DNAJC1: variants seen among roughly 807,000 people sequenced by gnomAD.
DNAJC1 encodes the protein DnaJ heat shock protein family (Hsp40) member C1, also known as dnaJ homolog subfamily C member 1.
A neutral mutation model predicts 76.6 loss-of-function variants in DNAJC1; 58 were observed. The observed-to-expected ratio is 0.76, with a 90% CI of 0.61 to 0.94. The LOEUF is 0.94. Ranked by LOEUF, DNAJC1 falls within the 40% of genes least tolerant of loss-of-function variation. DNAJC1 has a pLI of 0.00. For missense variants in DNAJC1, 689 were observed against 677.3 expected, an observed-to-expected ratio of 1.02 and a Z score of -0.19; for synonymous variants, 258 against 267.9, an observed-to-expected ratio of 0.96 and a Z score of 0.36.
At chr10:21,987,828 G>C (rs747306133) in intron 1 of DNAJC1, among the ~76,000 whole-genome samples, 2 of 152,002 alleles carry the variant, frequency 1.3e-5, no homozygotes, top group African/African-American at 4.8e-5. Flanking sequence ...TGAAATATTT[G>C]CCCCTAAATA....
intron 8 of DNAJC1, among the ~76,000 whole-genome samples, chr10:21,841,345 C>G (rs977620290): frequency 6.6e-6 from 1 of 152,118 alleles, no homozygotes; most frequent in African/African-American, 2.4e-5. Flanking sequence ...TTTTTGCAAC[C>G]TACTCATCTG....
At chr10:21,840,825 A>C (rs1835563003) in intron 8 of DNAJC1, among the ~76,000 whole-genome samples, 2 of 152,206 alleles carry the variant, frequency 1.3e-5, no homozygotes, top group South Asian at 4.1e-4. Context: ...ACAAAGCTGG[A>C]GGCATCACAC....
chr10:21,995,028 A>G (rs543796936), intron 1 of DNAJC1, among the ~76,000 whole-genome samples: 1 of 151,444 alleles, frequency 6.6e-6, no homozygotes, highest in Admixed American at 6.6e-5. Context: ...TCAGAAAAGA[A>G]CCTAAATAGT....
chr10:21,778,702 A>G (rs1345798814), intron 9 of DNAJC1, among the ~76,000 whole-genome samples: 3 of 152,182 alleles, frequency 2.0e-5, no homozygotes, highest in Non-Finnish European at 2.9e-5. Flanking sequence ...TGCATTTCCA[A>G]TTGAGATACC....
At chr10:21,964,869 T>G (rs1466280256) in intron 1 of DNAJC1, among the ~76,000 whole-genome samples, 1 of 152,202 alleles carries the variant, frequency 6.6e-6, no homozygotes, top group Non-Finnish European at 1.5e-5. Flanking sequence ...TTTTCTTCAC[T>G]GCTGCTATGG....
chr10:21,954,778 C>T (rs1837652799), intron 1 of DNAJC1, among the ~76,000 whole-genome samples: 1 of 152,072 alleles, frequency 6.6e-6, no homozygotes, highest in Non-Finnish European at 1.5e-5. Flanking sequence ...ATTAAACAGC[C>T]TCTCAACAAC....
chr10:21,941,133 G>A (rs1837403401), intron 1 of DNAJC1, among the ~76,000 whole-genome samples: 1 of 150,400 alleles, frequency 6.6e-6, no homozygotes, highest in South Asian at 2.1e-4. Context: ...GCCAGGCGTG[G>A]TGGCAGGTGC....
At chr10:21,879,928 T>C (rs1215243083) in intron 8 of DNAJC1, among the ~76,000 whole-genome samples, 1 of 152,212 alleles carries the variant, frequency 6.6e-6, no homozygotes. Flanking sequence ...AGTCTTCCTT[T>C]CACAAAATAT....
intron 8 of DNAJC1, among the ~76,000 whole-genome samples, chr10:21,834,163 C>G (rs891584824): frequency 1.3e-4 from 20 of 152,098 alleles, no homozygotes; most frequent in Non-Finnish European, 2.4e-4. Context: ...ACTCGGGAGG[C>G]TGAGGCAGGA....
At chr10:21,933,750 T>C (rs150682965) in intron 1 of DNAJC1, among the ~76,000 whole-genome samples, 13 of 152,290 alleles carry the variant, frequency 8.5e-5, no homozygotes, top group Admixed American at 3.3e-4. Context: ...CCCATAAGAA[T>C]ACAATACAAT....
chr10:21,879,966 T>C (rs576571291), intron 8 of DNAJC1, among the ~76,000 whole-genome samples: 2 of 152,352 alleles, frequency 1.3e-5, no homozygotes, highest in South Asian at 2.1e-4. Flanking sequence ...TGCTGCTTGA[T>C]AGCATTTTAC....
chr10:21,857,338 T>TTTTTTTTTTTTTTTTGAGACGGAGTCTC (rs1260854074), intron 8 of DNAJC1, among the ~76,000 whole-genome samples: 1 of 152,140 alleles, frequency 6.6e-6, no homozygotes, highest in African/African-American at 2.4e-5. Flanking sequence ...ACTAAATTTT[T>TTTTTTTTTTTTTTTTGAGACGGAGTCTC]GTGTATATAG....
chr10:21,808,664 C>G (rs1834919517), intron 8 of DNAJC1, among the ~76,000 whole-genome samples: 1 of 152,190 alleles, frequency 6.6e-6, no homozygotes, highest in African/African-American at 2.4e-5. Flanking sequence ...TGTGATCCAG[C>G]TACTACAGCA....
chr10:21,803,053 A>G (rs1786438740), intron 9 of DNAJC1, among the ~76,000 whole-genome samples: 2 of 152,158 alleles, frequency 1.3e-5, no homozygotes, highest in African/African-American at 2.4e-5. Flanking sequence ...GTGTTTATCC[A>G]GAGTACAATT....
intron 8 of DNAJC1, among the ~76,000 whole-genome samples, chr10:21,822,642 T>G (rs1835180110): frequency 6.6e-6 from 1 of 151,944 alleles, no homozygotes; most frequent in Non-Finnish European, 1.5e-5. Flanking sequence ...CCACTGTCAG[T>G]TTTTTGGGTT....
rs1217149349 is a variant in DNAJC1, at chr10:21,838,019, G to A, written c.979-31920C>T. Among the ~76,000 whole-genome samples the A allele has an allele frequency of 4.7e-5, 7 of 148,556 alleles. No homozygotes were observed. In the South Asian group the frequency reaches 6.4e-4, roughly 14 times the overall value. ...CGGCTGGGAGGTGGGGGGCGTCTCC[G>A]CCCAGCCGCTGCCCCGTCCGGGAGG... is the stretch of plus-strand genomic sequence containing the variant. On this transcript the variant is annotated intron_variant, in intron 8 of 11. Coordinates refer to ENST00000376980, the MANE Select transcript of DNAJC1 (RefSeq NM_022365.4).
At chr10:21,969,625 TA>T (rs898718718) in intron 1 of DNAJC1, among the ~76,000 whole-genome samples, 3 of 152,234 alleles carry the variant, frequency 2.0e-5, no homozygotes, top group Non-Finnish European at 4.4e-5. Context: ...ATCTATGTCT[TA>T]GTAATTCCGA....
At chr10:21,919,565 A>G (rs1335264736) in intron 5 of DNAJC1, among the ~76,000 whole-genome samples, 1 of 151,992 alleles carries the variant, frequency 6.6e-6, no homozygotes, top group Non-Finnish European at 1.5e-5. Context: ...CTTTGTTTCT[A>G]AAGTTCAGTA....
At chr10:21,985,037 TAAA>T (rs1838217351) in intron 1 of DNAJC1, among the ~76,000 whole-genome samples, 1 of 152,206 alleles carries the variant, frequency 6.6e-6, no homozygotes, top group African/African-American at 2.4e-5. Flanking sequence ...AAATTTCCCA[TAAA>T]ATAACGTCTT....
Sources: gnomAD v4.1 joint callset for allele counts (sites outside exome capture counted in the v4.1 genomes callset) on GRCh38, gnomAD v4.1.1 for gene constraint, MANE v1.5 for transcripts, NCBI Gene and HGNC (gene_info 2026-07-23, HGNC 2026-07-21) for gene names.